The following MAST4 variants were observed in gnomAD, a reference collection of about 807,000 sequenced individuals.
MAST4 encodes the protein microtubule associated serine/threonine kinase family member 4, also known as microtubule-associated serine/threonine-protein kinase 4.
Under a neutral mutation model 162.7 loss-of-function variants are expected in MAST4, and 89 were observed. The ratio of observed to expected loss-of-function variants is 0.55; its 90% CI spans 0.46 to 0.65. MAST4 has a LOEUF of 0.65. Among genes scored for constraint, MAST4 ranks in the 30% least tolerant of loss-of-function variants. The pLI, the probability that MAST4 is intolerant of heterozygous loss-of-function variation, is 0.00. For synonymous variants in MAST4, 1,479 were observed against 1,361.1 expected (o/e 1.09, Z -1.91); for missense variants, 3,153 against 3,374.0 (o/e 0.93, Z 1.62).
intron 3 of MAST4, among the ~76,000 whole-genome samples, chr5:66,822,301 TA>T (rs1224673470): frequency 2.0e-5 from 3 of 152,032 alleles, no homozygotes; most frequent in Non-Finnish European, 4.4e-5. Context: ...TCATTTCACC[TA>T]AAAGGAAAGA....
chr5:67,072,739 G>T (rs1761131530), intron 5 of MAST4, among the ~76,000 whole-genome samples: 1 of 152,108 alleles, frequency 6.6e-6, no homozygotes, highest in Admixed American at 6.5e-5. Context: ...AATGATAGTG[G>T]GAGAAAGGAG....
chr5:67,073,372 C>A (rs1177229836), intron 5 of MAST4, among the ~76,000 whole-genome samples: 1 of 151,528 alleles, frequency 6.6e-6, no homozygotes, highest in Non-Finnish European at 1.5e-5. Flanking sequence ...CTTAAAAACT[C>A]AAAAAAAACC....
chr5:66,995,986 A>T (rs560893624), intron 4 of MAST4, among the ~76,000 whole-genome samples: 1 of 152,314 alleles, frequency 6.6e-6, no homozygotes, highest in Admixed American at 6.5e-5. Flanking sequence ...TTCATTAAAA[A>T]TACTTTGTTG....
rs778212019 is a variant in MAST4 at position 67,165,780 on chromosome 5, G to A, written c.6601G>A (p.Gly2201Ser). The A allele has an allele frequency of 6.2e-7, 1 of 1,605,402 alleles. No homozygotes were observed. Among genetic ancestry groups the A allele is most frequent in the Non-Finnish European group, 8.5e-7 (1 of 1,176,336 alleles). Residue 2201 changes from glycine (G) to serine (S), a missense_variant, in exon 29 of 29, where the codon GGC (glycine) becomes AGC (serine). Gly to Ser is a moderately conservative substitution (Grantham distance 56, BLOSUM62 0). Coordinates refer to ENST00000403625, the MANE Select transcript of MAST4 (RefSeq NM_001164664.2). ...CAAGCCCCGGCCTGGCCCTGACCCGGGCCCTCCAAAGACTAAGCACCCCGA... is the reference window on the plus strand; with the variant it reads ...CAAGCCCCGGCCTGGCCCTGACCCGAGCCCTCCAAAGACTAAGCACCCCGA... ...SHKPRPGPDP[G>S]PPKTKHPDRS...
At chr5:66,639,504 G>C (rs1226915217) in intron 1 of MAST4, among the ~76,000 whole-genome samples, 1 of 152,120 alleles carries the variant, frequency 6.6e-6, no homozygotes, top group Non-Finnish European at 1.5e-5. Context: ...TATTGAGAAA[G>C]TGGTGTAACT....
chr5:66,925,108 C>G (rs1362456440), intron 4 of MAST4, among the ~76,000 whole-genome samples: 1 of 151,984 alleles, frequency 6.6e-6, no homozygotes, highest in Non-Finnish European at 1.5e-5. Context: ...TTTCTAAATT[C>G]TTATTTGATA....
At chr5:66,646,088 A>G (rs570366344) in intron 1 of MAST4, among the ~76,000 whole-genome samples, 2 of 152,294 alleles carry the variant, frequency 1.3e-5, no homozygotes, top group South Asian at 4.1e-4. Context: ...AATAATTGAA[A>G]CAATGAGATA....
intron 5 of MAST4, among the ~76,000 whole-genome samples, chr5:67,073,726 A>G (rs1340055138): frequency 2.0e-5 from 3 of 152,202 alleles, no homozygotes; most frequent in African/African-American, 7.2e-5. Context: ...AACATCACAA[A>G]CCACTGCAAA....
At chr5:66,911,998 T>G (rs1409348737) in intron 4 of MAST4, among the ~76,000 whole-genome samples, 2 of 152,310 alleles carry the variant, frequency 1.3e-5, no homozygotes, top group African/African-American at 4.8e-5. Flanking sequence ...ATGCAGTCTT[T>G]TATTGTTATT....
chr5:67,013,630 C>A (rs1421562496), intron 4 of MAST4, among the ~76,000 whole-genome samples: 1 of 151,236 alleles, frequency 6.6e-6, no homozygotes, highest in Non-Finnish European at 1.5e-5. Context: ...GCTATGAAAT[C>A]TGTAGAAAAT....
At chr5:66,807,989 C>T (rs1187470386) in intron 3 of MAST4, among the ~76,000 whole-genome samples, 1 of 152,220 alleles carries the variant, frequency 6.6e-6, no homozygotes, top group East Asian at 1.9e-4. Flanking sequence ...GTTTACTGTG[C>T]CACCCTGGTC....
At chr5:66,873,943 T>C (rs1396538839) in intron 3 of MAST4, among the ~76,000 whole-genome samples, 1 of 152,192 alleles carries the variant, frequency 6.6e-6, no homozygotes, top group East Asian at 1.9e-4. Context: ...AGGGAAAATA[T>C]GGGCCAGAAA....
intron 9 of MAST4, among the ~76,000 whole-genome samples, chr5:67,103,649 G>A (rs1765275186): frequency 6.6e-6 from 1 of 152,126 alleles, no homozygotes; most frequent in Non-Finnish European, 1.5e-5. Flanking sequence ...TTTTACCAAG[G>A]GAGTCCCCTG....
At position 66,919,964 on chromosome 5, in the gene MAST4, CCTTCCTTCCTTCTT is replaced by C. The variant is rs1186292545; in HGVS notation, c.674+19983_674+19996del. On this transcript the variant is annotated intron_variant, in intron 4 of 28. Coordinates refer to ENST00000403625, the MANE Select transcript of MAST4 (RefSeq NM_001164664.2). ...TCCTTCCTTCCTTCCTTCCTTCCTT[CCTTCCTTCCTTCTT>C]TCTCTCTCTCTCTCTCTCTCTTTCT... 2.9e-3 allele frequency among the ~76,000 whole-genome samples: 314 copies of C among 108,966 alleles called. 1 individual carries two copies. Among genetic ancestry groups the C allele is most frequent in the African/African-American group, 7.3e-3 (171 of 23,276 alleles). 71.5% of individuals were successfully genotyped at this position (108,966 alleles called of 152,430 possible). A position where few individuals can be genotyped will look rare whatever the true frequency, so the allele number is the denominator to read the frequency against.
intron 5 of MAST4, among the ~76,000 whole-genome samples, chr5:67,076,557 T>A (rs992677713): frequency 2.0e-5 from 3 of 152,160 alleles, no homozygotes; most frequent in Non-Finnish European, 4.4e-5. Flanking sequence ...AGTATCATTT[T>A]TTGTTACACC....
chr5:66,679,035 G>A (rs183829383), intron 1 of MAST4, among the ~76,000 whole-genome samples: 4 of 152,120 alleles, frequency 2.6e-5, no homozygotes, highest in Non-Finnish European at 4.4e-5. Context: ...CAGGTGATCC[G>A]CCTGCCTCGG....
intron 3 of MAST4, among the ~76,000 whole-genome samples, chr5:66,850,929 C>CTTTTTTTTT (rs59161379): frequency 7.3e-6 from 1 of 137,662 alleles, no homozygotes. Flanking sequence ...CATTTTAAGC[C>CTTTTTTTTT]TTTTTTTTTT....
intron 3 of MAST4, among the ~76,000 whole-genome samples, chr5:66,871,399 C>A (rs1359446688): frequency 6.6e-6 from 1 of 152,142 alleles, no homozygotes; most frequent in East Asian, 1.9e-4. Flanking sequence ...ATTTACCAAG[C>A]TGGGATGGGT....
At chr5:67,125,822 C>T (rs923135877) in intron 14 of MAST4, among the ~76,000 whole-genome samples, 1 of 152,124 alleles carries the variant, frequency 6.6e-6, no homozygotes, top group Non-Finnish European at 1.5e-5. Flanking sequence ...CTTGAGGAAT[C>T]GCCACACTGT....
Sources: allele counts gnomAD v4.1 joint callset (sites outside exome capture counted in the v4.1 genomes callset), GRCh38; gene constraint gnomAD v4.1.1; transcripts MANE v1.5; gene names NCBI Gene and HGNC (gene_info 2026-07-23, HGNC 2026-07-21).